The following DLC1 variants were observed in gnomAD, a reference collection of about 807,000 sequenced individuals.
The protein encoded by DLC1 is DLC1 Rho GTPase activating protein.
In DLC1, 54 loss-of-function variants were observed where a neutral mutation model predicts 140.3. That is an observed-to-expected ratio of 0.38 (90% CI 0.31 to 0.48). The LOEUF (loss-of-function observed/expected upper bound fraction) is 0.48, where lower values mean the gene tolerates loss of function less well. DLC1 is among the 20% of genes least tolerant of loss of function. DLC1 has a pLI of 0.96. For synonymous variants in DLC1, 986 were observed against 728.1 expected, an observed-to-expected ratio of 1.35 and a Z score of -5.70; for missense variants, 2,536 against 1,907.0, an observed-to-expected ratio of 1.33 and a Z score of -6.14.
chr8:13,265,611 G>A (rs1004621248), intron 5 of DLC1, among the ~76,000 whole-genome samples: 4 of 151,994 alleles, frequency 2.6e-5, no homozygotes, highest in African/African-American at 9.7e-5. Flanking sequence ...ACAGCATGAG[G>A]CCGTTTACCA....
At chr8:13,309,563 C>T (rs1197778697) in intron 4 of DLC1, among the ~76,000 whole-genome samples, 14 of 152,104 alleles carry the variant, frequency 9.2e-5, no homozygotes, top group Admixed American at 9.2e-4. Context: ...GCTTTTAAAG[C>T]TATATGTGGG....
At chr8:13,253,936 C>CA (rs1252796933) in intron 5 of DLC1, among the ~76,000 whole-genome samples, 21 of 152,166 alleles carry the variant, frequency 1.4e-4, no homozygotes, top group Non-Finnish European at 2.8e-4. Flanking sequence ...CGTCAGGACG[C>CA]AGCCCAGATG....
chr8:13,154,084 G>C (rs10104162), intron 5 of DLC1, among the ~76,000 whole-genome samples: 22,298 of 152,180 alleles, frequency 0.15, 1,779 homozygotes, highest in Non-Finnish European at 0.18. Context: ...CCCTGAGCTA[G>C]ACTCAGGGTG....
At chr8:13,428,447 A>T (rs1374306028) in intron 2 of DLC1, among the ~76,000 whole-genome samples, 7 of 152,338 alleles carry the variant, frequency 4.6e-5, no homozygotes, top group Middle Eastern at 3.4e-3. Flanking sequence ...TTACTGAATC[A>T]TTATGATATC....
At chr8:13,267,066 A>G (rs1830716939) in intron 5 of DLC1, among the ~76,000 whole-genome samples, 1 of 152,214 alleles carries the variant, frequency 6.6e-6, no homozygotes, top group South Asian at 2.1e-4. Context: ...GCTGGAATTC[A>G]CTAAATGAAA....
chr8:13,135,648 T>TTA (rs1467196084), intron 5 of DLC1, among the ~76,000 whole-genome samples: 1 of 152,232 alleles, frequency 6.6e-6, no homozygotes, highest in African/African-American at 2.4e-5. Context: ...ATATTCTAAA[T>TTA]ATCTCCCCTC....
At chr8:13,533,427 C>A (rs1262101634) in intron 1 of DLC1, among the ~76,000 whole-genome samples, 2 of 152,008 alleles carry the variant, frequency 1.3e-5, no homozygotes, top group Admixed American at 1.3e-4. Flanking sequence ...TTATTTGGAC[C>A]CCAGTTTTCT....
At chr8:13,543,621 G>A (rs1464923691) in intron 1 of DLC1, among the ~76,000 whole-genome samples, 2 of 152,004 alleles carry the variant, frequency 1.3e-5, no homozygotes, top group Admixed American at 6.6e-5. Flanking sequence ...AAGAAGATGT[G>A]TTTTATATTT....
At chr8:13,316,266 G>A (rs1038296760) in intron 4 of DLC1, among the ~76,000 whole-genome samples, 11 of 152,172 alleles carry the variant, frequency 7.2e-5, no homozygotes, top group African/African-American at 2.7e-4. Flanking sequence ...AAGGTGGAAG[G>A]GCAATGTGGG....
chr8:13,367,741 T>G (rs2117102692), intron 4 of DLC1, among the ~76,000 whole-genome samples: 1 of 152,324 alleles, frequency 6.6e-6, no homozygotes, highest in East Asian at 1.9e-4. Flanking sequence ...TTGTTTCATC[T>G]GAAATTGGTC....
intron 5 of DLC1, among the ~76,000 whole-genome samples, chr8:13,268,080 A>AT (rs1447453358): frequency 1.4e-4 from 21 of 152,186 alleles, no homozygotes; most frequent in Non-Finnish European, 4.4e-5. Flanking sequence ...AAATTGAAAT[A>AT]TTTAAAGTAT....
At chr8:13,147,267 A>C (rs1396094557) in intron 5 of DLC1, among the ~76,000 whole-genome samples, 2 of 152,218 alleles carry the variant, frequency 1.3e-5, no homozygotes, top group Non-Finnish European at 2.9e-5. Context: ...AATCTCCACT[A>C]CAAAACTGAA....
At chr8:13,150,549 G>C (rs1375333592) in intron 5 of DLC1, among the ~76,000 whole-genome samples, 9 of 152,196 alleles carry the variant, frequency 5.9e-5, no homozygotes, top group East Asian at 1.9e-4. Context: ...AGTAAACACA[G>C]AAGCCTGCGA....
At chr8:13,364,248 C>G (rs963629370) in intron 4 of DLC1, among the ~76,000 whole-genome samples, 8 of 152,116 alleles carry the variant, frequency 5.3e-5, no homozygotes, top group Admixed American at 3.3e-4. Context: ...TAGTTTGCTC[C>G]CTCTTCGTAG....
chr8:13,418,878 C>G (rs1838190219), intron 2 of DLC1, among the ~76,000 whole-genome samples: 1 of 152,098 alleles, frequency 6.6e-6, no homozygotes, highest in South Asian at 2.1e-4. Context: ...TTTGTATCCT[C>G]TTTTATTTCA....
chr8:13,300,315 G>C (rs74868860), intron 5 of DLC1, among the ~76,000 whole-genome samples: 1 of 152,254 alleles, frequency 6.6e-6, no homozygotes, highest in East Asian at 1.9e-4. Context: ...TTAGAGAAAA[G>C]AGATAATGGA....
At chr8:13,454,668 C>T (rs1563361997) in intron 2 of DLC1, among the ~76,000 whole-genome samples, 1 of 152,136 alleles carries the variant, frequency 6.6e-6, no homozygotes, top group Non-Finnish European at 1.5e-5. Context: ...GATCATCCTG[C>T]CTCAGCTGGC....
intron 6 of DLC1, 108 bp from the exon 7 acceptor site, chr8:13,110,931 C>T: frequency 1.1e-6 from 1 of 950,590 alleles, no homozygotes; most frequent in South Asian, 1.4e-5. Flanking sequence ...ATACTAAGCA[C>T]CTACTGTAGG....
At chr8:13,436,013 A>T (rs1261332167) in intron 2 of DLC1, among the ~76,000 whole-genome samples, 1 of 152,228 alleles carries the variant, frequency 6.6e-6, no homozygotes, top group Non-Finnish European at 1.5e-5. Flanking sequence ...TTTTTTAGGA[A>T]TAAAGTATTT....
Sources: allele counts gnomAD v4.1 joint callset (sites outside exome capture counted in the v4.1 genomes callset), GRCh38; gene constraint gnomAD v4.1.1; transcripts MANE v1.5; gene names NCBI Gene and HGNC (gene_info 2026-07-23, HGNC 2026-07-21).